Variants in ITIH5 observed in about 807,000 individuals in gnomAD.
ITIH5 encodes the protein inter-alpha-trypsin inhibitor heavy chain 5.
A neutral mutation model predicts 77.5 loss-of-function variants in ITIH5; 65 were observed. That is an observed-to-expected ratio of 0.84 (90% CI 0.69 to 1.03). ITIH5 has a LOEUF of 1.03. ITIH5 is among the 50% of genes least tolerant of loss of function. The pLI is 0.00. For missense variants in ITIH5, 1,208 were observed against 1,213.1 expected, an observed-to-expected ratio of 1.00 and a Z score of 0.06; for synonymous variants, 525 against 494.3, an observed-to-expected ratio of 1.06 and a Z score of -0.82.
At chr10:7,627,827 C>CTTTTTT (rs869139058) in intron 5 of ITIH5, among the ~76,000 whole-genome samples, 12 of 90,804 alleles carry the variant, frequency 1.3e-4, no homozygotes, top group Non-Finnish European at 1.8e-4. Context: ...TGAAATTAAC[C>CTTTTTT]TTTTTTTTTT....
intron 1 of ITIH5, among the ~76,000 whole-genome samples, chr10:7,666,317 G>T (rs1834360210): frequency 6.6e-6 from 1 of 151,918 alleles, no homozygotes; most frequent in African/African-American, 2.4e-5. Flanking sequence ...CTAAACCACC[G>T]GTAGGTAGTC....
intron 5 of ITIH5, among the ~76,000 whole-genome samples, chr10:7,629,257 T>C (rs1198736856): frequency 2.6e-4 from 33 of 127,470 alleles, no homozygotes; most frequent in South Asian, 1.1e-3. Context: ...GTCCATGTTG[T>C]AGCGTGTGTC....
intron 5 of ITIH5, chr10:7,621,645 C>G (rs1833475843): frequency 6.6e-6 from 1 of 152,004 alleles, no homozygotes; most frequent in South Asian, 2.1e-4. Context: ...TTACTGGGAG[C>G]AATTCCAGAG....
rs147790507 is a variant in ITIH5, at chr10:7,579,792, C to A, written c.1381G>T (p.Val461Leu). ...GAGCCTGCGTCCTCCTCCTCGTGCA[C>A]GCGCCGTGTGAGGCCACAGTTCTCC... ...SLENCGLTRR[V>L]HEEEDAGSQL... The change falls in exon 9 of 14, where the codon GTG becomes TTG. Residue 461 changes from valine to leucine, a missense_variant. By Grantham distance (32) the Val-to-Leu change is conservative (BLOSUM62 1). Transcript: ENST00000397146. 2 of 1,614,012 alleles carry A rather than the reference C, an allele frequency of 1.2e-6. No individual in the cohort carries two copies. The highest frequency in any genetic ancestry group is 1.7e-6 in the Non-Finnish European group (2 of 1,180,044).
chr10:7,631,428 G>A (rs1484170367), intron 5 of ITIH5, among the ~76,000 whole-genome samples: 4 of 152,194 alleles, frequency 2.6e-5, no homozygotes, highest in African/African-American at 9.6e-5. Flanking sequence ...AGTCCAAGAA[G>A]CCAGAGAGGG....
chr10:7,627,645 G>C (rs767097212), intron 5 of ITIH5, among the ~76,000 whole-genome samples: 11 of 152,028 alleles, frequency 7.2e-5, no homozygotes, highest in Non-Finnish European at 1.2e-4. Context: ...GCCATAAATT[G>C]GTTAGTACCC....
At chr10:7,624,328 A>G (rs1833522039) in intron 5 of ITIH5, among the ~76,000 whole-genome samples, 1 of 147,328 alleles carries the variant, frequency 6.8e-6, no homozygotes, top group South Asian at 2.2e-4. Context: ...ACCAACATGG[A>G]GAAACCCCGT....
intron 9 of ITIH5, chr10:7,578,649 T>A (rs1327588031): frequency 1.3e-5 from 2 of 152,218 alleles, no homozygotes; most frequent in African/African-American, 4.8e-5. Flanking sequence ...TTTCCATTTA[T>A]CATTAATAAA....
At chr10:7,615,142 G>A (rs1349511121) in intron 7 of ITIH5, among the ~76,000 whole-genome samples, 1 of 152,128 alleles carries the variant, frequency 6.6e-6, no homozygotes, top group Admixed American at 6.5e-5. Context: ...AGCTACTCAG[G>A]AGGCTGAGGC....
At chr10:7,647,733 C>A (rs1564279757) in intron 2 of ITIH5, among the ~76,000 whole-genome samples, 1 of 152,112 alleles carries the variant, frequency 6.6e-6, no homozygotes. Flanking sequence ...GTAAACTAAA[C>A]TTTCAGCATA....
intron 4 of ITIH5, among the ~76,000 whole-genome samples, chr10:7,640,351 C>G (rs1196327271): frequency 1.3e-5 from 2 of 151,678 alleles, no homozygotes; most frequent in Non-Finnish European, 2.9e-5. Context: ...GTGGTGCACA[C>G]CTGTAATCCC....
intron 7 of ITIH5, among the ~76,000 whole-genome samples, chr10:7,590,565 ACT>A (rs968942114): frequency 3.9e-5 from 6 of 152,348 alleles, no homozygotes; most frequent in Admixed American, 2.6e-4. Context: ...GTTTCTCTTT[ACT>A]GTAACGTATC....
chr10:7,595,435 C>T (rs955443904), intron 7 of ITIH5, among the ~76,000 whole-genome samples: 2 of 152,036 alleles, frequency 1.3e-5, no homozygotes, highest in Non-Finnish European at 2.9e-5. Flanking sequence ...TCTAGAGTCA[C>T]AAAGGATAGA....
intron 5 of ITIH5, chr10:7,619,626 G>C: frequency 2.6e-6 from 1 of 385,218 alleles, no homozygotes; most frequent in South Asian, 2.0e-5. Flanking sequence ...CAATCACGCA[G>C]AAGGCAAACG....
intron 5 of ITIH5, among the ~76,000 whole-genome samples, chr10:7,631,238 T>C (rs562252848): frequency 6.6e-6 from 1 of 152,208 alleles, no homozygotes; most frequent in East Asian, 1.9e-4. Context: ...GCTTAAGCAA[T>C]AGATTTATAA....
chr10:7,666,533 G>T (rs528117720), intron 1 of ITIH5, among the ~76,000 whole-genome samples: 1 of 152,254 alleles, frequency 6.6e-6, no homozygotes, highest in East Asian at 1.9e-4. Flanking sequence ...ACGACGAACA[G>T]AAATCTGCGC....
At chr10:7,635,375 T>A (rs1833782657) in intron 5 of ITIH5, among the ~76,000 whole-genome samples, 1 of 152,208 alleles carries the variant, frequency 6.6e-6, no homozygotes, top group South Asian at 2.1e-4. Context: ...GCAAGCCAAG[T>A]CTTACAGCCT....
At chr10:7,597,044 CAAAAA>C (rs71383924) in intron 7 of ITIH5, among the ~76,000 whole-genome samples, 1,959 of 37,010 alleles carry the variant, frequency 0.053, 104 homozygotes, top group African/African-American at 0.12. Context: ...GTCTCCAACT[CAAAAA>C]AAAAAAAAAA....
At chr10:7,569,538 A>G (rs368591714) in intron 12 of ITIH5, 130 bp downstream of exon 12, 15 of 576,736 alleles carry the variant, frequency 2.6e-5, no homozygotes, top group Middle Eastern at 4.6e-4. Context: ...GCTTCCCTTA[A>G]CCACTGACGA....
Sources: gnomAD v4.1 joint callset for allele counts (sites outside exome capture counted in the v4.1 genomes callset) on GRCh38, gnomAD v4.1.1 for gene constraint, MANE v1.5 for transcripts, NCBI Gene and HGNC (gene_info 2026-07-23, HGNC 2026-07-21) for gene names.